ITGA2: variants seen among roughly 807,000 people sequenced by gnomAD.
ITGA2 encodes the protein integrin alpha-2.
In ITGA2, 101 loss-of-function variants were observed where a neutral mutation model predicts 146.3. The ratio of observed to expected loss-of-function variants is 0.69; its 90% confidence interval spans 0.59 to 0.81. The LOEUF is 0.81. Among genes scored for constraint, ITGA2 ranks in the 40% least tolerant of loss-of-function variants. The pLI is 0.00. For synonymous variants in ITGA2, 477 were observed against 487.1 expected (o/e 0.98, Z 0.27); for missense variants, 1,281 against 1,402.7 (o/e 0.91, Z 1.39).
rs200277804 is a variant in ITGA2, at chr5:53,089,982, G to A, written c.3385G>A (p.Glu1129Lys). ...LMIMKPDEKAEVPTGVIIGSI... is the reference protein window; with the variant it reads ...LMIMKPDEKAKVPTGVIIGSI... ...GATAATGAAACCTGATGAGAAAGCC[G>A]AAGTACCAACAGGAGTTATAATAGG... The change falls in exon 29 of 30, where the codon GAA (glutamate) becomes AAA (lysine). Residue 1129 changes from glutamate (E) to lysine (K), a missense_variant. Glu to Lys is a moderately conservative substitution (Grantham distance 56). Transcript: ENST00000296585. 13 of 1,613,072 alleles carry A rather than the reference G, an allele frequency of 8.1e-6. No individual in the cohort carries two copies. The highest frequency in any genetic ancestry group is 2.2e-5 in the East Asian group (1 of 44,848).
intron 28 of ITGA2, 29 bp downstream of exon 28, chr5:53,087,070 C>A (rs763249209): frequency 2.0e-6 from 3 of 1,490,106 alleles, no homozygotes; most frequent in Non-Finnish European, 1.9e-6. Flanking sequence ...TCCCTGTGAG[C>A]CTCAGGGTCT....
chr5:52,999,564 G>A (rs1161707871), intron 1 of ITGA2, among the ~76,000 whole-genome samples: 1 of 152,074 alleles, frequency 6.6e-6, no homozygotes, highest in East Asian at 1.9e-4. Context: ...TGCCCACCAA[G>A]ACACAGAGGG....
At chr5:53,035,342 A>G (rs1743437547) in intron 2 of ITGA2, among the ~76,000 whole-genome samples, 1 of 152,206 alleles carries the variant, frequency 6.6e-6, no homozygotes, top group South Asian at 2.1e-4. Context: ...TTTATTGATT[A>G]TATTTCTTCT....
intron 17 of ITGA2, among the ~76,000 whole-genome samples, chr5:53,070,957 T>G (rs947098097): frequency 1.3e-5 from 2 of 151,936 alleles, no homozygotes; most frequent in African/African-American, 2.4e-5. Flanking sequence ...GCGAAAGAAC[T>G]GCCAGGGAAA....
chr5:53,067,400 C>G (rs984375005), intron 16 of ITGA2, 143 bp downstream of exon 16: 2 of 831,656 alleles, frequency 2.4e-6, no homozygotes, highest in Non-Finnish European at 3.9e-6. Context: ...TGGAGATGCC[C>G]GAGAATGGTT....
chr5:53,028,713 T>C (rs1743073490), intron 2 of ITGA2, among the ~76,000 whole-genome samples: 2 of 152,224 alleles, frequency 1.3e-5, no homozygotes, highest in Non-Finnish European at 2.9e-5. Context: ...GTATCTGATT[T>C]TCTGCACAAG....
chr5:53,049,796 A>G (rs1744268154), intron 6 of ITGA2, among the ~76,000 whole-genome samples: 1 of 152,100 alleles, frequency 6.6e-6, no homozygotes, highest in South Asian at 2.1e-4. Context: ...CACTGTTACC[A>G]GTGTATGCTC....
intron 18 of ITGA2, 43 bp from the exon 19 acceptor site, chr5:53,072,570 C>T: frequency 5.4e-6 from 8 of 1,486,042 alleles, no homozygotes; most frequent in Non-Finnish European, 6.5e-6. Context: ...TTTGCTTTTT[C>T]AACCCAAGAG....
intron 4 of ITGA2, among the ~76,000 whole-genome samples, chr5:53,048,122 A>G (rs1182193336): frequency 6.6e-6 from 1 of 152,034 alleles, no homozygotes; most frequent in Non-Finnish European, 1.5e-5. Flanking sequence ...CTTCACTGAC[A>G]CCTGCTCCCA....
chr5:53,067,375 T>A, intron 16 of ITGA2, 118 bp downstream of exon 16: 1 of 1,068,084 alleles, frequency 9.4e-7, no homozygotes, highest in Non-Finnish European at 1.4e-6. Flanking sequence ...TATAGACACT[T>A]AAGTTTCCTT....
At chr5:53,074,283 C>G (rs1745547019) in intron 20 of ITGA2, 102 bp from the exon 21 acceptor site, 5 of 871,464 alleles carry the variant, frequency 5.7e-6, no homozygotes, top group Non-Finnish European at 9.6e-6. Context: ...ATGAACCAAC[C>G]TTACTGCTAA....
intron 2 of ITGA2, among the ~76,000 whole-genome samples, chr5:53,027,696 C>G (rs532463109): frequency 6.6e-6 from 1 of 152,298 alleles, no homozygotes; most frequent in Admixed American, 6.5e-5. Flanking sequence ...TCCAACCATC[C>G]CCACTCACCC....
chr5:52,993,732 A>G (rs538499582), intron 1 of ITGA2, among the ~76,000 whole-genome samples: 2 of 152,374 alleles, frequency 1.3e-5, no homozygotes, highest in East Asian at 1.9e-4. Flanking sequence ...CAATGTGTAT[A>G]AAGTCAAGAA....
At position 53,090,418 on chromosome 5, in the gene ITGA2, T is replaced by G. The variant is rs183912220; in HGVS notation, c.3466-101T>G. ...ACACCTCCCTTCAGAGCCTCAGGGA[T>G]TCCCAGAGGTGCATCAGAGGACGTG... On this transcript the variant is annotated intron_variant, in intron 29 of 29. Transcript: ENST00000296585. 3.8e-3 allele frequency: 3,446 copies of G among 918,526 alleles called. 40 individuals carry two copies. Among genetic ancestry groups the G allele is most frequent in the Non-Finnish European group, 2.5e-3 (1,356 of 552,342 alleles). The allele number at this position is 918,526 out of a possible 1,614,324, so 56.9% of individuals were successfully genotyped here. A position where few individuals can be genotyped will look rare whatever the true frequency, so the allele number is the denominator to read the frequency against.
chr5:52,992,725 A>G (rs1252778434), intron 1 of ITGA2, among the ~76,000 whole-genome samples: 3 of 152,140 alleles, frequency 2.0e-5, no homozygotes, highest in Non-Finnish European at 2.9e-5. Flanking sequence ...TTCACTAATG[A>G]TATCTTTCTA....
intron 9 of ITGA2, among the ~76,000 whole-genome samples, chr5:53,057,682 T>C (rs530895767): frequency 6.6e-6 from 1 of 152,070 alleles, no homozygotes; most frequent in South Asian, 2.1e-4. Flanking sequence ...TTTTAAAAAA[T>C]TATCATCTCA....
chr5:53,044,712 T>C (rs1230466521), intron 3 of ITGA2, among the ~76,000 whole-genome samples: 1 of 152,102 alleles, frequency 6.6e-6, no homozygotes, highest in Non-Finnish European at 1.5e-5. Flanking sequence ...ATGTGTTTTG[T>C]TTTGCTAGAA....
chr5:52,993,809 A>G (rs1356673294), intron 1 of ITGA2, among the ~76,000 whole-genome samples: 1 of 152,224 alleles, frequency 6.6e-6, no homozygotes, highest in African/African-American at 2.4e-5. Flanking sequence ...TTCTACCACT[A>G]AAGCCATAAG....
chr5:53,050,394 T>C (rs1233453040), intron 6 of ITGA2, among the ~76,000 whole-genome samples: 1 of 152,210 alleles, frequency 6.6e-6, no homozygotes, highest in African/African-American at 2.4e-5. Context: ...TCCTCTCGTA[T>C]TGGACTTTGA....
Sources: gnomAD v4.1 joint callset for allele counts (sites outside exome capture counted in the v4.1 genomes callset) on GRCh38, gnomAD v4.1.1 for gene constraint, MANE v1.5 for transcripts, NCBI Gene and HGNC (gene_info 2026-07-23, HGNC 2026-07-21) for gene names.